Variants in DPF3 observed in about 807,000 individuals in gnomAD.
DPF3 encodes the protein double PHD fingers 3, also known as zinc finger protein DPF3.
In DPF3, 18 loss-of-function variants were observed where a neutral mutation model predicts 56.8. The observed-to-expected ratio is 0.32, with a 90% CI of 0.22 to 0.47. The LOEUF (loss-of-function observed/expected upper bound fraction) is 0.47. Ranked by LOEUF, DPF3 falls within the 20% of genes least tolerant of loss-of-function variation. The pLI is 1.00. For synonymous variants in DPF3, 188 were observed against 180.2 expected (o/e 1.04, Z -0.35); for missense variants, 403 against 488.8 (o/e 0.82, Z 1.65).
At chr14:72,700,094 G>A (rs1377585490) in intron 6 of DPF3, among the ~76,000 whole-genome samples, 1 of 152,216 alleles carries the variant, frequency 6.6e-6, no homozygotes, top group Non-Finnish European at 1.5e-5. Flanking sequence ...AGACTTCCAA[G>A]AGTTATTTTG....
At chr14:72,846,643 G>T (rs1173053948) in intron 1 of DPF3, among the ~76,000 whole-genome samples, 2 of 95,906 alleles carry the variant, frequency 2.1e-5, no homozygotes, top group African/African-American at 6.2e-5. Flanking sequence ...GCCTAGGATA[G>T]TCTTGAACTC....
chr14:72,865,826 C>T (rs561301735), intron 1 of DPF3, among the ~76,000 whole-genome samples: 1 of 152,294 alleles, frequency 6.6e-6, no homozygotes, highest in East Asian at 1.9e-4. Context: ...GCAGGCAGAT[C>T]ACTTGAGGTC....
At position 72,709,819 on chromosome 14, in the gene DPF3, G is replaced by T. The variant is rs140773305; in HGVS notation, c.604+4604C>A. ...CCTGCCTCTCCAGGTTGGTGTGGGG[G>T]TTTACAGAAATAATCCATGTGAAAC... On this transcript the variant is annotated intron_variant, in intron 6 of 10. Coordinates refer to ENST00000556509, the MANE Select transcript of DPF3 (RefSeq NM_001280542.3). 2.5e-3 allele frequency among the ~76,000 whole-genome samples: 374 copies of T among 152,178 alleles called. 4 individuals carry two copies. Among genetic ancestry groups the T allele is most frequent in the African/African-American group, 8.5e-3 (353 of 41,510 alleles).
intron 6 of DPF3, among the ~76,000 whole-genome samples, chr14:72,698,805 C>T (rs2153573699): frequency 6.6e-6 from 1 of 152,332 alleles, no homozygotes; most frequent in East Asian, 1.9e-4. Context: ...GGACATAGCA[C>T]TACCATAAGT....
intron 6 of DPF3, among the ~76,000 whole-genome samples, chr14:72,700,831 T>C (rs1421318039): frequency 6.6e-6 from 1 of 152,196 alleles, no homozygotes; most frequent in African/African-American, 2.4e-5. Flanking sequence ...GTGAGACCCA[T>C]ATGAGAGAAT....
chr14:72,819,533 T>C (rs1883437127), intron 1 of DPF3, among the ~76,000 whole-genome samples: 1 of 151,704 alleles, frequency 6.6e-6, no homozygotes, highest in Admixed American at 6.6e-5. Flanking sequence ...TGTTACTGCA[T>C]TGGTATCAGG....
In DPF3 at chr14:72,684,868, T is replaced by A. The variant is rs551952960; in HGVS notation, c.742+8208A>T. ...AAGGCAATTAGGTTCAGTGGGGTCATGAGGGTGGGGTCCTCGTAATGAAAT... is the reference window on the plus strand; with the variant it reads ...AAGGCAATTAGGTTCAGTGGGGTCAAGAGGGTGGGGTCCTCGTAATGAAAT... On this transcript the variant is annotated intron_variant, in intron 7 of 10. Coordinates refer to ENST00000556509, the MANE Select transcript of DPF3 (RefSeq NM_001280542.3). 2.6e-5 allele frequency among the ~76,000 whole-genome samples: 4 copies of A among 152,286 alleles called. No homozygotes were observed. In the South Asian group the frequency reaches 8.3e-4, roughly 32 times the overall value.
intron 1 of DPF3, chr14:72,836,314 T>A: frequency 1.0e-6 from 1 of 985,652 alleles, no homozygotes; most frequent in Non-Finnish European, 1.2e-6. Flanking sequence ...AGGGCAACCC[T>A]GGATAATAAA....
At chr14:72,832,483 C>G (rs1884101406) in intron 1 of DPF3, among the ~76,000 whole-genome samples, 1 of 152,134 alleles carries the variant, frequency 6.6e-6, no homozygotes, top group Non-Finnish European at 1.5e-5. Flanking sequence ...ATCTTAGAAT[C>G]CAAATACGAT....
intron 1 of DPF3, among the ~76,000 whole-genome samples, chr14:72,832,081 G>C (rs1884083519): frequency 6.6e-6 from 1 of 152,206 alleles, no homozygotes; most frequent in East Asian, 1.9e-4. Context: ...GCCAGGCATG[G>C]TGGCTCACAC....
intron 1 of DPF3, among the ~76,000 whole-genome samples, chr14:72,784,438 G>A (rs953709473): frequency 3.3e-5 from 5 of 152,122 alleles, no homozygotes; most frequent in African/African-American, 9.7e-5. Context: ...CTGTACTGCC[G>A]GAGGGAAATC....
chr14:72,840,273 C>G (rs552229051), intron 1 of DPF3, among the ~76,000 whole-genome samples: 1 of 152,154 alleles, frequency 6.6e-6, no homozygotes, highest in Non-Finnish European at 1.5e-5. Flanking sequence ...GGCTCAGAGC[C>G]TTGTTCTTAC....
chr14:72,723,502 T>G, intron 5 of DPF3, 131 bp downstream of exon 5: 2 of 805,144 alleles, frequency 2.5e-6, no homozygotes, highest in Non-Finnish European at 1.9e-6. Context: ...TCTTCTGGAG[T>G]TTTCTCCTTT....
intron 2 of DPF3, among the ~76,000 whole-genome samples, chr14:72,771,010 T>C (rs1160972281): frequency 6.6e-6 from 1 of 151,926 alleles, no homozygotes; most frequent in East Asian, 1.9e-4. Flanking sequence ...ACCCCGTCTC[T>C]ACTAAAAATA....
intron 1 of DPF3, among the ~76,000 whole-genome samples, chr14:72,834,152 C>T (rs1208847926): frequency 2.0e-5 from 3 of 149,682 alleles, no homozygotes; most frequent in African/African-American, 4.9e-5. Flanking sequence ...CACTCCAGCC[C>T]GAGTGACAGA....
intron 1 of DPF3, among the ~76,000 whole-genome samples, chr14:72,864,389 G>C (rs1362722772): frequency 6.6e-6 from 1 of 152,152 alleles, no homozygotes; most frequent in South Asian, 2.1e-4. Context: ...TGTGTTTTTG[G>C]TCAGTGTCGG....
At chr14:72,673,147 A>G (rs2153570619) in intron 8 of DPF3, among the ~76,000 whole-genome samples, 1 of 152,334 alleles carries the variant, frequency 6.6e-6, no homozygotes, top group South Asian at 2.1e-4. Flanking sequence ...CTTAAGCCCT[A>G]AACAGCCCTA....
intron 1 of DPF3, among the ~76,000 whole-genome samples, chr14:72,790,096 T>G (rs1270504506): frequency 1.3e-5 from 2 of 151,758 alleles, no homozygotes; most frequent in Non-Finnish European, 2.9e-5. Flanking sequence ...TACTTAAAAT[T>G]AATTAATTGG....
intron 1 of DPF3, among the ~76,000 whole-genome samples, chr14:72,845,922 C>T (rs1003832040): frequency 2.6e-5 from 4 of 152,132 alleles, no homozygotes; most frequent in African/African-American, 7.2e-5. Flanking sequence ...GTGCAGCACC[C>T]GGCAGGGCGA....
Sources: gnomAD v4.1 joint callset for allele counts (sites outside exome capture counted in the v4.1 genomes callset) on GRCh38, gnomAD v4.1.1 for gene constraint, MANE v1.5 for transcripts, NCBI Gene and HGNC (gene_info 2026-07-23, HGNC 2026-07-21) for gene names.